The following TENM1 variants were observed in gnomAD, a reference collection of about 807,000 sequenced individuals.
The protein encoded by TENM1 is teneurin transmembrane protein 1.
A neutral mutation model predicts 174.8 loss-of-function variants in TENM1; 35 were observed. The ratio of observed to expected loss-of-function variants is 0.20; its 90% CI spans 0.15 to 0.27. TENM1 has a LOEUF of 0.27. Among genes scored for constraint, TENM1 ranks in the 10% least tolerant of loss-of-function variants. The pLI, the probability that TENM1 is intolerant of heterozygous loss-of-function variation, is 1.00. For synonymous variants in TENM1, 781 were observed against 798.7 expected (o/e 0.98, Z 0.37); for missense variants, 1,633 against 2,130.1 (o/e 0.77, Z 4.59).
the TENM1 span, among the ~76,000 whole-genome samples, chrX:125,028,686 TA>T: frequency 0.011 from 1,185 of 111,286 alleles, 17 homozygotes; most frequent in African/African-American, 0.035. Context: ...CAATAAAAGT[TA>T]AAAAAAATAT....
intron 4 of TENM1, among the ~76,000 whole-genome samples, chrX:124,730,921 G>A (rs2053550742): frequency 1.8e-5 from 2 of 111,486 alleles, no homozygotes; most frequent in Admixed American, 1.9e-4. Flanking sequence ...TTCATGCCCT[G>A]AGATACTCTA....
rs1322365924 is a variant in TENM1 at position 124,874,406 on chromosome X, C to T, written c.535+19890G>A. 1.8e-5 allele frequency among the ~76,000 whole-genome samples: 2 copies of T among 110,177 alleles called. 1 individual carries two copies. The highest frequency in any genetic ancestry group is 1.9e-4 in the Admixed American group (2 of 10,296). On this transcript the variant is annotated intron_variant, in intron 3 of 31. Coordinates refer to ENST00000422452, the Ensembl canonical transcript of TENM1. Reference sequence around the variant, plus strand: ...CCAAGAACCATTCTCATTTCCTTTACTATGGCATATATCAATTTTTTTCTA... The same window carrying T: ...CCAAGAACCATTCTCATTTCCTTTATTATGGCATATATCAATTTTTTTCTA...
At chrX:124,546,666 C>A (rs752697012) in intron 15 of TENM1, among the ~76,000 whole-genome samples, 3 of 111,658 alleles carry the variant, frequency 2.7e-5, no homozygotes, top group Admixed American at 9.6e-5. Context: ...CACAAACATA[C>A]ACACATAATT....
the TENM1 span, among the ~76,000 whole-genome samples, chrX:125,029,838 C>T: frequency 9.0e-6 from 1 of 111,459 alleles, no homozygotes; most frequent in Admixed American, 9.6e-5. Flanking sequence ...TGGCCCAATC[C>T]AGTTCACCAG....
chrX:124,392,058 T>C, exon 28 of TENM1: 2 of 1,195,335 alleles, frequency 1.7e-6, no homozygotes, highest in Non-Finnish European at 2.3e-6. Context: ...TTACTTTTTC[T>C]AAGTAGGTAT....
intron 4 of TENM1, among the ~76,000 whole-genome samples, chrX:124,717,017 C>T (rs7881089): frequency 0.036 from 3,944 of 110,709 alleles, 183 homozygotes; most frequent in African/African-American, 0.12. Context: ...TTCTTTCCGT[C>T]CTGAAGACTT....
chrX:124,629,124 C>A (rs2050701975), intron 11 of TENM1, among the ~76,000 whole-genome samples: 1 of 112,140 alleles, frequency 8.9e-6, no homozygotes, highest in Admixed American at 9.5e-5. Flanking sequence ...CTCTTTTTTT[C>A]CCCTTGGGGA....
chrX:124,880,722 T>A (rs1178190879), intron 3 of TENM1, among the ~76,000 whole-genome samples: 1 of 111,420 alleles, frequency 9.0e-6, no homozygotes, highest in Non-Finnish European at 1.9e-5. Flanking sequence ...TTTTGAGAGG[T>A]TTTTAATTTT....
chrX:124,842,250 T>C (rs995167773), intron 3 of TENM1, among the ~76,000 whole-genome samples: 2 of 111,806 alleles, frequency 1.8e-5, no homozygotes, highest in African/African-American at 6.5e-5. Context: ...ATTTCTGAAA[T>C]GAGTAAATGA....
the TENM1 span, among the ~76,000 whole-genome samples, chrX:125,057,200 C>T: frequency 9.0e-6 from 1 of 111,379 alleles, no homozygotes; most frequent in African/African-American, 3.3e-5. Context: ...TAATACATAC[C>T]CATCCATTTG....
At chrX:125,113,668 C>T in the TENM1 span, among the ~76,000 whole-genome samples, 1 of 110,882 alleles carries the variant, frequency 9.0e-6, no homozygotes, top group Non-Finnish European at 1.9e-5. Context: ...AGACGAAGGG[C>T]ATTACATAAT....
intron 3 of TENM1, among the ~76,000 whole-genome samples, chrX:124,879,642 G>T (rs2057269639): frequency 9.0e-6 from 1 of 111,600 alleles, no homozygotes; most frequent in Non-Finnish European, 1.9e-5. Flanking sequence ...CCCAAGAGTG[G>T]GAATGCTGGA....
At chrX:125,043,928 A>G in the TENM1 span, among the ~76,000 whole-genome samples, 21 of 13,537 alleles carry the variant, frequency 1.6e-3, no homozygotes, top group African/African-American at 7.0e-3. Flanking sequence ...AAAACCAAAC[A>G]CCGCATATTC....
rs1229016450 is a variant in TENM1 at position 124,952,728 on chromosome X, C to G, written c.217+10809G>C. On this transcript the variant is annotated intron_variant, in intron 1 of 31. Transcript: ENST00000422452. ...AATTTCATGAAAGGTTTGGGTGTGTCCTTATTAATTATTTTTGCCTTTGAG... is the reference window on the plus strand; with the variant it reads ...AATTTCATGAAAGGTTTGGGTGTGTGCTTATTAATTATTTTTGCCTTTGAG... Among the ~76,000 whole-genome samples the G allele has an allele frequency of 3.6e-5, 4 of 111,133 alleles. No individual in the cohort carries two copies. In the Admixed American group the frequency reaches 3.8e-4, roughly 11 times the overall value.
chrX:124,399,274 A>G (rs2060373109), intron 27 of TENM1, among the ~76,000 whole-genome samples: 1 of 112,112 alleles, frequency 8.9e-6, no homozygotes, highest in African/African-American at 3.2e-5. Flanking sequence ...GGTGTTATAA[A>G]TAGTAAATGA....
In TENM1 at chrX:124,523,417, T is replaced by G. The variant is rs749084054; in HGVS notation, c.2980A>C (p.Thr994Pro). Residue 994 changes from threonine (T) to proline (P), a missense_variant, in exon 17 of 32, where the codon ACA becomes CCA. By Grantham distance (38) the Thr-to-Pro change is conservative (BLOSUM62 -1). Coordinates refer to ENST00000422452, the Ensembl canonical transcript of TENM1. ...TCTGGACAGGACCCTCCAAATGATG[T>G]GAGCGGTGAAGGAAGCACAATAGGG... 4.1e-6 allele frequency: 5 copies of G among 1,211,660 alleles called. No individual in the cohort carries two copies. In the East Asian group the frequency reaches 1.2e-4, roughly 29 times the overall value.
At chrX:124,648,822 C>T (rs770495317) in intron 8 of TENM1, among the ~76,000 whole-genome samples, 2 of 111,778 alleles carry the variant, frequency 1.8e-5, no homozygotes, top group Non-Finnish European at 3.8e-5. Context: ...TGGAAGCAGC[C>T]TTGTGGGAAT....
intron 1 of TENM1, among the ~76,000 whole-genome samples, chrX:124,938,482 G>A (rs2058277909): frequency 8.9e-6 from 1 of 111,786 alleles, no homozygotes. Flanking sequence ...ATGTGGAGAC[G>A]ACTACTGCAA....
intron 11 of TENM1, among the ~76,000 whole-genome samples, chrX:124,614,173 C>T (rs1420288840): frequency 1.8e-5 from 2 of 111,448 alleles, no homozygotes; most frequent in East Asian, 5.7e-4. Flanking sequence ...AGAGTCAGGG[C>T]TGGGAGGAGA....
Sources: gnomAD v4.1 joint callset for allele counts (sites outside exome capture counted in the v4.1 genomes callset) on GRCh38, gnomAD v4.1.1 for gene constraint, MANE v1.5 for transcripts, NCBI Gene and HGNC (gene_info 2026-07-23, HGNC 2026-07-21) for gene names.